NACC2: variants seen among roughly 807,000 people sequenced by gnomAD.
NACC2 encodes nucleus accumbens-associated protein 2.
In NACC2, 8 loss-of-function variants were observed where a neutral mutation model predicts 25.1. That is an observed-to-expected ratio of 0.32 (90% confidence interval 0.19 to 0.57). The LOEUF (loss-of-function observed/expected upper bound fraction) is 0.57. Among genes scored for constraint, NACC2 ranks in the 20% least tolerant of loss-of-function variants. The pLI, the probability that NACC2 is intolerant of heterozygous loss-of-function variation, is 0.89. For missense variants in NACC2, 644 were observed against 650.2 expected (o/e 0.99, Z 0.10); for synonymous variants, 435 against 294.7 (o/e 1.48, Z -4.88).
intron 2 of NACC2, among the ~76,000 whole-genome samples, chr9:136,045,650 T>C (rs985327800): frequency 2.0e-5 from 3 of 152,158 alleles, no homozygotes; most frequent in Non-Finnish European, 2.9e-5. Flanking sequence ...CCCTTCCCTC[T>C]GCGAGCTCCA....
In NACC2 at chr9:136,086,993, A is replaced by C. The variant is rs1413546231; in HGVS notation, c.-60+8196T>G. On this transcript the variant is annotated intron_variant, in intron 1 of 5. Coordinates refer to ENST00000277554, the MANE Select transcript of NACC2 (RefSeq NM_144653.5). The surrounding 1 kb of genome is among the most constrained non-coding windows in gnomAD (Gnocchi z 5.6). ...GGTCTTTACAGATATCATTAGTGAA[A>C]GGTAAGATGAGATATCCCGGATTTA... is the stretch of plus-strand genomic sequence containing the variant. 6.6e-6 allele frequency among the ~76,000 whole-genome samples: 1 copy of C among 152,246 alleles called. No homozygotes were observed. Among genetic ancestry groups the C allele is most frequent in the Non-Finnish European group, 1.5e-5 (1 of 68,042 alleles).
chr9:136,028,502 C>T (rs555594182), intron 2 of NACC2, among the ~76,000 whole-genome samples: 39 of 151,952 alleles, frequency 2.6e-4, no homozygotes, highest in African/African-American at 9.2e-4. Context: ...CAGCCTCCTG[C>T]GTAACTGTGA....
rs1042932901 is a variant in NACC2, at chr9:136,034,385, A to C, written c.886+15251T>G. On this transcript the variant is annotated intron_variant, in intron 2 of 5. Transcript: ENST00000277554. ...AAGAAAAATAGGAAGAGAAAAAGAA[A>C]AAAGGAAGGGAGGAAGGTCAGGAAG... Among the ~76,000 whole-genome samples the C allele has an allele frequency of 6.3e-3, 955 of 152,322 alleles. 10 individuals are homozygous for C. Among genetic ancestry groups the C allele is most frequent in the African/African-American group, 0.022 (915 of 41,574 alleles).
rs1830360802 is a variant in NACC2 at position 136,084,740 on chromosome 9, TAC to T, written c.-60+10447_-60+10448del. Among the ~76,000 whole-genome samples the T allele has an allele frequency of 6.6e-6, 1 of 151,928 alleles. No individual in the cohort carries two copies. Among genetic ancestry groups the T allele is most frequent in the African/African-American group, 2.4e-5 (1 of 41,352 alleles). On this transcript the variant is annotated intron_variant, in intron 1 of 5. Transcript: ENST00000277554. The surrounding 1 kb of genome is among the most constrained non-coding windows in gnomAD (Gnocchi z 5.1). Reference sequence around the variant, plus strand: ...ATGGCGGCGGGCGCACACACACACATACATCACGCAGCCTGGAGAAGGGACGG... The same window carrying T: ...ATGGCGGCGGGCGCACACACACACATATCACGCAGCCTGGAGAAGGGACGG...
rs374636348 is a variant in NACC2 at position 136,026,419 on chromosome 9, T to C, written c.887-9990A>G. On this transcript the variant is annotated intron_variant, in intron 2 of 5. Transcript: ENST00000277554. ...CAGAATAAAAGACACATGGAACACA[T>C]AGGACTTGGGGAAAGCCTAACATAC... Among the ~76,000 whole-genome samples, 49 of 141,666 alleles carry C rather than the reference T, an allele frequency of 3.5e-4. No individual in the cohort carries two copies. The South Asian group carries it at 6.3e-3, about 18-fold the overall frequency. The allele number at this position is 141,666 out of a possible 152,430, so 92.9% of individuals were successfully genotyped here.
At chr9:136,033,523 G>A (rs1564225290) in intron 2 of NACC2, among the ~76,000 whole-genome samples, 1 of 150,952 alleles carries the variant, frequency 6.6e-6, no homozygotes, top group African/African-American at 2.4e-5. Context: ...GGTGGCGGGT[G>A]CCTGTAATCC....
At chr9:136,076,757 T>G (rs1225462107) in intron 1 of NACC2, among the ~76,000 whole-genome samples, 6 of 152,122 alleles carry the variant, frequency 3.9e-5, no homozygotes, top group Admixed American at 3.9e-4. Context: ...GCCTGTAATC[T>G]CAGCACTTTG....
intron 1 of NACC2, among the ~76,000 whole-genome samples, chr9:136,094,987 G>A (rs1216274340): frequency 6.8e-6 from 1 of 146,144 alleles, no homozygotes; most frequent in African/African-American, 2.5e-5. Flanking sequence ...CCCTCCGCGG[G>A]CTCCCGAGGC....
At chr9:136,040,832 ACGCC>A (rs1840616624) in intron 2 of NACC2, among the ~76,000 whole-genome samples, 1 of 152,082 alleles carries the variant, frequency 6.6e-6, no homozygotes, top group African/African-American at 2.4e-5. Context: ...GTGGTGGTGC[ACGCC>A]TGTAGTTCCA....
rs867308680 is a variant in NACC2 at position 136,084,629 on chromosome 9, C to T, written c.-60+10560G>A. Reference sequence around the variant, plus strand: ...AGAGACACAGCAAGACTCAAACAGACGCGCACGCCACGTCCATAGCGGCAG... The same window carrying T: ...AGAGACACAGCAAGACTCAAACAGATGCGCACGCCACGTCCATAGCGGCAG... On this transcript the variant is annotated intron_variant, in intron 1 of 5. Coordinates refer to ENST00000277554, the MANE Select transcript of NACC2 (RefSeq NM_144653.5). The surrounding 1 kb of genome is among the most constrained non-coding windows in gnomAD (Gnocchi z 5.1). Among the ~76,000 whole-genome samples, 1 of 152,222 alleles carries T rather than the reference C, an allele frequency of 6.6e-6. No homozygotes were observed. Among genetic ancestry groups the T allele is most frequent in the African/African-American group, 2.4e-5 (1 of 41,458 alleles).
rs896059999 is a variant in NACC2 at position 136,018,794 on chromosome 9, C to T, written c.887-2365G>A. Among the ~76,000 whole-genome samples, 15 of 152,142 alleles carry T rather than the reference C, an allele frequency of 9.9e-5. No individual in the cohort carries two copies. The highest frequency in any genetic ancestry group is 2.1e-4 in the South Asian group (1 of 4,822). ...AAACAACCCGGGTGGTATTTTAAAA[C>T]ATAATTACACACCCCCACCCCCGGT... is the stretch of plus-strand genomic sequence containing the variant. On this transcript the variant is annotated intron_variant, in intron 2 of 5. Transcript: ENST00000277554. The surrounding 1 kb of genome is among the most constrained non-coding windows in gnomAD (Gnocchi z 4.4).
At chr9:136,092,754 G>A (rs1830446024) in intron 1 of NACC2, among the ~76,000 whole-genome samples, 1 of 152,248 alleles carries the variant, frequency 6.6e-6, no homozygotes, top group African/African-American at 2.4e-5. Flanking sequence ...ACTGGGGTCT[G>A]TAGAAGGCCT....
intron 2 of NACC2, among the ~76,000 whole-genome samples, chr9:136,032,613 C>T (rs1349142727): frequency 6.6e-6 from 1 of 152,140 alleles, no homozygotes; most frequent in South Asian, 2.1e-4. Flanking sequence ...GTATCCAGAA[C>T]AGGCCAGGCC....
chr9:136,078,902 ACT>A (rs1398557390), intron 1 of NACC2, among the ~76,000 whole-genome samples: 4 of 152,136 alleles, frequency 2.6e-5, no homozygotes, highest in African/African-American at 9.7e-5. Context: ...GCCAAGGCAA[ACT>A]CAGGAGCACA....
intron 2 of NACC2, among the ~76,000 whole-genome samples, chr9:136,024,922 T>C (rs562966752): frequency 1.3e-4 from 20 of 152,306 alleles, no homozygotes; most frequent in Admixed American, 3.9e-4. Flanking sequence ...GGGCCCAGGA[T>C]CCTGAGAGCC....
At chr9:136,051,459 C>T (rs1196566636) in intron 1 of NACC2, among the ~76,000 whole-genome samples, 3 of 152,204 alleles carry the variant, frequency 2.0e-5, no homozygotes, top group Non-Finnish European at 2.9e-5. Flanking sequence ...GCTGCCCGGA[C>T]CCCGGGGCTG....
chr9:136,064,257 C>G lies in NACC2; in HGVS notation c.-59-13677G>C, dbSNP rs142259185. ...TGAACTATGACTGCACTACTGCACT[C>G]CAGCCTGGGTGACAGAGTGAGGCCC... On this transcript the variant is annotated intron_variant, in intron 1 of 5. Coordinates refer to ENST00000277554, the MANE Select transcript of NACC2 (RefSeq NM_144653.5). Among the ~76,000 whole-genome samples, 585 of 152,312 alleles carry G rather than the reference C, an allele frequency of 3.8e-3. 3 individuals carry two copies. Among genetic ancestry groups the G allele is most frequent in the African/African-American group, 0.013 (541 of 41,556 alleles).
At chr9:136,033,027 T>A (rs1011869573) in intron 2 of NACC2, among the ~76,000 whole-genome samples, 1 of 150,338 alleles carries the variant, frequency 6.7e-6, no homozygotes, top group Non-Finnish European at 1.5e-5. Flanking sequence ...CAAAAAAAAA[T>A]AAGTTGGGCA....
intron 1 of NACC2, among the ~76,000 whole-genome samples, chr9:136,092,446 A>G (rs1366215702): frequency 6.6e-6 from 1 of 152,222 alleles, no homozygotes; most frequent in Admixed American, 6.5e-5. Context: ...TCCAGCGTCC[A>G]GACGGGCTAG....
Sources: allele counts gnomAD v4.1 joint callset (sites outside exome capture counted in the v4.1 genomes callset), GRCh38; gene constraint gnomAD v4.1.1; non-coding constraint Gnocchi (gnomAD v3.1); transcripts MANE v1.5; gene names NCBI Gene and HGNC (gene_info 2026-07-23, HGNC 2026-07-21).